The following CCDC91 variants were observed in gnomAD, a reference collection of about 807,000 sequenced individuals.
CCDC91 encodes the protein coiled-coil domain containing 91, also known as coiled-coil domain-containing protein 91.
CCDC91 carries 48 observed loss-of-function variants against 63.2 expected under a neutral mutation model. That is an observed-to-expected ratio of 0.76 (90% CI 0.60 to 0.97). The LOEUF (loss-of-function observed/expected upper bound fraction) is 0.97. CCDC91 is among the 50% of genes least tolerant of loss of function. The pLI is 0.00. For missense variants in CCDC91, 500 were observed against 494.6 expected (o/e 1.01, Z -0.10); for synonymous variants, 167 against 165.8 (o/e 1.01, Z -0.06).
At chr12:28,530,794 A>G (rs1202070291) in intron 12 of CCDC91, among the ~76,000 whole-genome samples, 1 of 152,086 alleles carries the variant, frequency 6.6e-6, no homozygotes, top group African/African-American at 2.4e-5. Flanking sequence ...TTTTTCAGTG[A>G]CCACTGAAAG....
intron 12 of CCDC91, among the ~76,000 whole-genome samples, chr12:28,522,020 T>C (rs1443972483): frequency 6.6e-6 from 1 of 152,202 alleles, no homozygotes; most frequent in African/African-American, 2.4e-5. Context: ...TCAGGGATAT[T>C]GGTCTAAAAT....
At chr12:28,338,265 T>TG (rs1267228639) in intron 6 of CCDC91, among the ~76,000 whole-genome samples, 2 of 151,168 alleles carry the variant, frequency 1.3e-5, no homozygotes, top group East Asian at 3.9e-4. Context: ...GATCTTTTTT[T>TG]TTTTTCTTAT....
intron 12 of CCDC91, among the ~76,000 whole-genome samples, chr12:28,503,720 T>G (rs968477357): frequency 2.0e-5 from 3 of 151,906 alleles, no homozygotes; most frequent in Non-Finnish European, 2.9e-5. Flanking sequence ...AATAAGAAAA[T>G]GTGGCACATA....
chr12:28,536,040 A>T (rs60977482), intron 12 of CCDC91, among the ~76,000 whole-genome samples: 15,662 of 151,610 alleles, frequency 0.1, 2,105 homozygotes, highest in African/African-American at 0.31. Flanking sequence ...AAAAAAAAAA[A>T]AAATATATAT....
chr12:28,220,904 G>A (rs1466534355), intron 1 of CCDC91, among the ~76,000 whole-genome samples: 8 of 151,862 alleles, frequency 5.3e-5, no homozygotes, highest in Non-Finnish European at 8.8e-5. Flanking sequence ...ATTATGATGC[G>A]CATTAGTATG....
At chr12:28,435,105 T>A (rs1413748935) in intron 8 of CCDC91, among the ~76,000 whole-genome samples, 1 of 151,692 alleles carries the variant, frequency 6.6e-6, no homozygotes, top group African/African-American at 2.4e-5. Context: ...TTTTGTTGAT[T>A]TTTTTTCCTC....
chr12:28,311,648 A>G (rs1939339666), intron 6 of CCDC91, among the ~76,000 whole-genome samples: 1 of 152,006 alleles, frequency 6.6e-6, no homozygotes, highest in South Asian at 2.1e-4. Flanking sequence ...AGAAGAAAGT[A>G]TTTTGTTTGA....
At chr12:28,346,888 G>A (rs1162703982) in intron 6 of CCDC91, among the ~76,000 whole-genome samples, 6 of 152,118 alleles carry the variant, frequency 3.9e-5, no homozygotes, top group East Asian at 1.9e-4. Flanking sequence ...TGAATGTCCC[G>A]AACCTCTAAT....
intron 6 of CCDC91, among the ~76,000 whole-genome samples, chr12:28,317,436 C>T (rs1940010711): frequency 6.6e-6 from 1 of 151,798 alleles, no homozygotes; most frequent in African/African-American, 2.4e-5. Flanking sequence ...ACCTGGAGTT[C>T]TCAATCTCAT....
intron 8 of CCDC91, among the ~76,000 whole-genome samples, chr12:28,403,096 A>G (rs1156944516): frequency 6.6e-6 from 1 of 152,146 alleles, no homozygotes; most frequent in African/African-American, 2.4e-5. Flanking sequence ...TTATTGATCT[A>G]TAGTTTTCTT....
At chr12:28,237,980 T>C (rs1945077506) in intron 1 of CCDC91, among the ~76,000 whole-genome samples, 1 of 152,178 alleles carries the variant, frequency 6.6e-6, no homozygotes, top group African/African-American at 2.4e-5. Flanking sequence ...TACTAATTAA[T>C]TCTTAATTTT....
Position 28,297,898 on chromosome 12 carries a change from G to T in CCDC91, c.110-7751G>T, listed in dbSNP as rs192457651. Among the ~76,000 whole-genome samples the T allele has an allele frequency of 5.8e-3, 881 of 151,854 alleles. 9 individuals carry two copies. Among genetic ancestry groups the T allele is most frequent in the African/African-American group, 0.02 (844 of 41,496 alleles). On this transcript the variant is annotated intron_variant, in intron 3 of 12. Coordinates refer to ENST00000536442, the MANE Select transcript of CCDC91 (RefSeq NM_018318.5). Reference sequence around the variant, plus strand: ...TATTAAGCACACACATTTAAAACATGTATACCATCGTTACTATAAAATAAC... The same window carrying T: ...TATTAAGCACACACATTTAAAACATTTATACCATCGTTACTATAAAATAAC...
At chr12:28,391,189 G>A (rs925837094) in intron 7 of CCDC91, 115 bp from the exon 8 acceptor site, 35 of 544,004 alleles carry the variant, frequency 6.4e-5, no homozygotes, top group African/African-American at 5.3e-4. Context: ...TACATATTTT[G>A]TAATTTAGGA....
chr12:28,407,758 A>T (rs1357999223), intron 8 of CCDC91, among the ~76,000 whole-genome samples: 1 of 151,924 alleles, frequency 6.6e-6, no homozygotes, highest in Non-Finnish European at 1.5e-5. Context: ...GTCTTCCTTA[A>T]TTTCCCTCAG....
chr12:28,464,511 A>T (rs1461521635), intron 11 of CCDC91, among the ~76,000 whole-genome samples: 1 of 152,182 alleles, frequency 6.6e-6, no homozygotes, highest in Non-Finnish European at 1.5e-5. Flanking sequence ...CAGCCACAGC[A>T]GGATAGAGCA....
chr12:28,439,697 C>G (rs1949081645), intron 8 of CCDC91, among the ~76,000 whole-genome samples: 1 of 150,344 alleles, frequency 6.7e-6, no homozygotes, highest in Admixed American at 6.6e-5. Flanking sequence ...GACTCACATT[C>G]CAGGAAAGAA....
At chr12:28,435,373 T>C (rs529472226) in intron 8 of CCDC91, among the ~76,000 whole-genome samples, 139 of 151,792 alleles carry the variant, frequency 9.2e-4, no homozygotes, top group Non-Finnish European at 7.1e-4. Flanking sequence ...CCATGAGTTA[T>C]TTAGAAGTGT....
At chr12:28,321,211 G>A (rs375664455) in intron 6 of CCDC91, among the ~76,000 whole-genome samples, 185 of 151,784 alleles carry the variant, frequency 1.2e-3, no homozygotes, top group Middle Eastern at 3.4e-3. Context: ...GCCTTTTTCT[G>A]ACCCTTCTGG....
intron 12 of CCDC91, among the ~76,000 whole-genome samples, chr12:28,504,020 G>C (rs1938367257): frequency 6.6e-6 from 1 of 151,870 alleles, no homozygotes; most frequent in East Asian, 1.9e-4. Context: ...CACCAGCATG[G>C]CACATGTATA....
Sources: allele counts gnomAD v4.1 joint callset (sites outside exome capture counted in the v4.1 genomes callset), GRCh38; gene constraint gnomAD v4.1.1; transcripts MANE v1.5; gene names NCBI Gene and HGNC (gene_info 2026-07-23, HGNC 2026-07-21).